Variants in ATRNL1 observed in about 807,000 individuals in gnomAD.
The protein encoded by ATRNL1 is attractin like 1.
ATRNL1 carries 95 observed loss-of-function variants against 182.7 expected under a neutral mutation model. The observed-to-expected ratio is 0.52, with a 90% CI of 0.44 to 0.62. The LOEUF (loss-of-function observed/expected upper bound fraction) is 0.62, where lower values mean the gene tolerates loss of function less well. ATRNL1 is among the 20% of genes least tolerant of loss of function. ATRNL1 has a pLI of 0.00. For synonymous variants in ATRNL1, 576 were observed against 568.3 expected (o/e 1.01, Z -0.19); for missense variants, 1,471 against 1,679.5 (o/e 0.88, Z 2.17).
chr10:115,328,063 G>A (rs1214287497), intron 18 of ATRNL1, among the ~76,000 whole-genome samples: 2 of 151,450 alleles, frequency 1.3e-5, no homozygotes, highest in Non-Finnish European at 2.9e-5. Flanking sequence ...TTGTGCACAT[G>A]TACCCTAAAA....
chr10:115,093,770 C>T lies in ATRNL1; in HGVS notation c.20C>T (p.Ala7Val). The T allele has an allele frequency of 3.5e-6, 5 of 1,423,526 alleles. No individual in the cohort carries two copies. The highest frequency in any genetic ancestry group is 4.6e-6 in the Non-Finnish European group (5 of 1,096,442). The allele number at this position is 1,423,526 out of a possible 1,614,324, so 88.2% of individuals were successfully genotyped here. A position where few individuals can be genotyped will look rare whatever the true frequency, so the allele number is the denominator to read the frequency against. The change falls in exon 1 of 29, where the codon GCC (alanine) becomes GTC (valine). Residue 7 changes from alanine (A) to valine (V), a missense_variant. Transcript: ENST00000355044. This position sits in a 1 kb window ranked among gnomAD's most constrained non-coding sequence, Gnocchi z 6.1. The stretch of plus-strand genomic sequence containing the variant: ...GGGAAGATGGAGACTGGGGGCCGGG[C>T]CCGCACTGGTACCCCGCAGCCAGCG... METGGR[A>V]RTGTPQPAAP...
intron 27 of ATRNL1, among the ~76,000 whole-genome samples, chr10:115,773,427 A>G (rs1183094624): frequency 6.6e-6 from 1 of 152,196 alleles, no homozygotes; most frequent in Admixed American, 6.5e-5. Context: ...TACGGTGTTT[A>G]AAAAAGATTA....
At chr10:115,485,485 G>A (rs192038658) in intron 24 of ATRNL1, among the ~76,000 whole-genome samples, 3 of 152,020 alleles carry the variant, frequency 2.0e-5, no homozygotes, top group Admixed American at 2.0e-4. Context: ...TTTCTGTGGT[G>A]CAAATGTTTA....
chr10:115,807,747 ATTGT>A (rs1352224706), intron 27 of ATRNL1, among the ~76,000 whole-genome samples: 11 of 152,162 alleles, frequency 7.2e-5, no homozygotes, highest in South Asian at 2.1e-4. Context: ...CTTTGACTCT[ATTGT>A]TTATCTAGTT....
intron 24 of ATRNL1, among the ~76,000 whole-genome samples, chr10:115,479,709 C>A (rs891136263): frequency 6.6e-6 from 1 of 151,214 alleles, no homozygotes; most frequent in African/African-American, 2.4e-5. Context: ...AGTTCATTTG[C>A]ATGTTTGTAA....
chr10:115,524,887 G>A (rs1176893357), intron 25 of ATRNL1, among the ~76,000 whole-genome samples: 1 of 152,056 alleles, frequency 6.6e-6, no homozygotes, highest in East Asian at 1.9e-4. Context: ...GTGTCTAATG[G>A]GAGTCAATTA....
intron 13 of ATRNL1, among the ~76,000 whole-genome samples, chr10:115,278,051 T>C (rs114619460): frequency 0.012 from 1,787 of 152,290 alleles, 34 homozygotes; most frequent in African/African-American, 0.04. Flanking sequence ...TAAAGCATCT[T>C]TTTACCTTTT....
intron 28 of ATRNL1, among the ~76,000 whole-genome samples, chr10:115,848,950 T>C (rs1364316260): frequency 6.6e-6 from 1 of 152,226 alleles, no homozygotes; most frequent in Non-Finnish European, 1.5e-5. Flanking sequence ...GCTTATTTTA[T>C]CTTTTCTTAC....
intron 27 of ATRNL1, among the ~76,000 whole-genome samples, chr10:115,773,659 C>T (rs1949048999): frequency 6.6e-6 from 1 of 152,130 alleles, no homozygotes; most frequent in African/African-American, 2.4e-5. Flanking sequence ...AGACTGGGGA[C>T]CCCTGCACCT....
intron 28 of ATRNL1, among the ~76,000 whole-genome samples, chr10:115,939,387 C>T (rs1397645241): frequency 6.6e-6 from 1 of 152,158 alleles, no homozygotes; most frequent in African/African-American, 2.4e-5. Flanking sequence ...TATGTTCCTT[C>T]CTATGCGGTT....
Position 115,360,652 on chromosome 10 carries a change from CT to C in ATRNL1, c.3175+26243del, listed in dbSNP as rs869209213. Among the ~76,000 whole-genome samples, 875 of 147,230 alleles carry C rather than the reference CT, an allele frequency of 5.9e-3. 3 individuals carry two copies. Among genetic ancestry groups the C allele is most frequent in the Non-Finnish European group, 8.4e-3 (563 of 66,692 alleles). ...TGTTCATTTTTGAGGCCTTCTTAGT[CT>C]TTTTTTTTTAAAAAAAAATTTATTT... On this transcript the variant is annotated intron_variant, in intron 19 of 28. Coordinates refer to ENST00000355044, the MANE Select transcript of ATRNL1 (RefSeq NM_207303.4).
chr10:115,153,359 G>C (rs1418508260), intron 5 of ATRNL1, among the ~76,000 whole-genome samples: 1 of 152,008 alleles, frequency 6.6e-6, no homozygotes, highest in African/African-American at 2.4e-5. Flanking sequence ...GACATTTTTT[G>C]GTTGGTAAGC....
At chr10:115,514,763 A>G (rs961916813) in intron 24 of ATRNL1, among the ~76,000 whole-genome samples, 1 of 151,962 alleles carries the variant, frequency 6.6e-6, no homozygotes, top group Non-Finnish European at 1.5e-5. Context: ...TTAAATAGGG[A>G]TTGCACAAGG....
chr10:115,559,858 A>T (rs1290873825), intron 26 of ATRNL1, among the ~76,000 whole-genome samples: 1 of 152,222 alleles, frequency 6.6e-6, no homozygotes, highest in African/African-American at 2.4e-5. Flanking sequence ...CTCTAATTCT[A>T]TTCAACATTT....
chr10:115,590,848 A>G (rs2769411), intron 26 of ATRNL1, among the ~76,000 whole-genome samples: 148,063 of 152,262 alleles, frequency 0.97, 72,154 homozygotes, highest in East Asian at 1. Context: ...ACTCCTGTTG[A>G]TCAGAGGTTT....
At position 115,348,249 on chromosome 10, in the gene ATRNL1, A is replaced by G. The variant is rs182753867; in HGVS notation, c.3175+13830A>G. On this transcript the variant is annotated intron_variant, in intron 19 of 28. Coordinates refer to ENST00000355044, the MANE Select transcript of ATRNL1 (RefSeq NM_207303.4). ...TGACCTCCCAAAGTGCTGGAATTAC[A>G]GGCATGAGGCACCGCGCCTGGCCTA... Among the ~76,000 whole-genome samples, 935 of 152,310 alleles carry G rather than the reference A, an allele frequency of 6.1e-3. 8 individuals are homozygous for G. Among genetic ancestry groups the G allele is most frequent in the African/African-American group, 0.02 (848 of 41,572 alleles).
intron 20 of ATRNL1, among the ~76,000 whole-genome samples, chr10:115,416,602 AACTTAGAATT>A (rs1312630369): frequency 6.6e-6 from 1 of 152,126 alleles, no homozygotes; most frequent in Non-Finnish European, 1.5e-5. Flanking sequence ...GACTATTGAA[AACTTAGAATT>A]GGGATGCCAA....
chr10:115,186,506 A>G (rs995440975), intron 8 of ATRNL1, among the ~76,000 whole-genome samples: 1 of 152,166 alleles, frequency 6.6e-6, no homozygotes, highest in Non-Finnish European at 1.5e-5. Context: ...GTCCATATAT[A>G]CAATGGAGTA....
intron 26 of ATRNL1, among the ~76,000 whole-genome samples, chr10:115,673,881 A>G (rs1259791037): frequency 6.6e-6 from 1 of 151,988 alleles, no homozygotes; most frequent in Non-Finnish European, 1.5e-5. Context: ...TCCTTAGTGT[A>G]CTGTTCTGGA....
Sources: gnomAD v4.1 joint callset for allele counts (sites outside exome capture counted in the v4.1 genomes callset) on GRCh38, gnomAD v4.1.1 for gene constraint, Gnocchi (gnomAD v3.1) non-coding constraint, MANE v1.5 for transcripts, NCBI Gene and HGNC (gene_info 2026-07-23, HGNC 2026-07-21) for gene names.